IFT88: variants seen among roughly 807,000 people sequenced by gnomAD.
IFT88 encodes the protein intraflagellar transport protein 88 homolog.
A neutral mutation model predicts 119.5 loss-of-function variants in IFT88; 74 were observed. That is an observed-to-expected ratio of 0.62 (90% CI 0.51 to 0.75). The LOEUF is 0.75. Among genes scored for constraint, IFT88 ranks in the 30% least tolerant of loss-of-function variants. The pLI is 0.00. For synonymous variants in IFT88, 279 were observed against 316.7 expected, an observed-to-expected ratio of 0.88 and a Z score of 1.26; for missense variants, 961 against 977.7, an observed-to-expected ratio of 0.98 and a Z score of 0.23.
At chr13:20,686,689 G>A (rs1044297222) in intron 24 of IFT88, among the ~76,000 whole-genome samples, 1 of 151,996 alleles carries the variant, frequency 6.6e-6, no homozygotes, top group African/African-American at 2.4e-5. Flanking sequence ...CAAAAATGAA[G>A]GACATTGCTT....
intron 13 of IFT88, among the ~76,000 whole-genome samples, chr13:20,613,703 A>G (rs2045058596): frequency 1.3e-5 from 2 of 152,174 alleles, no homozygotes; most frequent in Admixed American, 6.5e-5. Flanking sequence ...TGAAGGTATA[A>G]ATAATATATG....
rs570940458 is a variant in IFT88 at position 20,650,466 on chromosome 13, C to T, written c.1950-3410C>T. ...TCCAATCAGGAATAGAAAGAACTTC[C>T]TTAACGTGTTAAAGTATTGTATGGA... On this transcript the variant is annotated intron_variant, in intron 20 of 25. Coordinates refer to ENST00000351808, the MANE Select transcript of IFT88 (RefSeq NM_006531.5). 7.2e-5 allele frequency among the ~76,000 whole-genome samples: 11 copies of T among 152,226 alleles called. No individual in the cohort carries two copies. In the South Asian group the frequency reaches 2.3e-3, roughly 32 times the overall value.
chr13:20,598,438 A>C (rs1317859420), intron 9 of IFT88, among the ~76,000 whole-genome samples: 1 of 152,182 alleles, frequency 6.6e-6, no homozygotes, highest in African/African-American at 2.4e-5. Flanking sequence ...GAATACATAG[A>C]AAATTAAGGT....
At chr13:20,569,676 A>C (rs1001201097) in intron 1 of IFT88, among the ~76,000 whole-genome samples, 1 of 151,952 alleles carries the variant, frequency 6.6e-6, no homozygotes, top group African/African-American at 2.4e-5. Context: ...TCATTTATAT[A>C]ATGTTTAGTA....
chr13:20,595,632 ATAAT>A (rs1437504572), intron 7 of IFT88, among the ~76,000 whole-genome samples: 1 of 152,098 alleles, frequency 6.6e-6, no homozygotes, highest in African/African-American at 2.4e-5. Context: ...ACTATTATGA[ATAAT>A]TACATGATGT....
chr13:20,615,756 TATCTCTA>T (rs753303631), intron 13 of IFT88, 30 bp from the exon 14 acceptor site: 1 of 1,218,090 alleles, frequency 8.2e-7, no homozygotes, highest in East Asian at 2.4e-5. Context: ...TTTTATACTG[TATCTCTA>T]AATACAACTT....
rs76756031 is a variant in IFT88, at chr13:20,625,897, C to G, written c.1299+48C>G. ...GATGGAATTCCATATCTTAATTGGTCAAAGCATTAAAAACAGGTAAACTCC... is the reference window on the plus strand; with the variant it reads ...GATGGAATTCCATATCTTAATTGGTGAAAGCATTAAAAACAGGTAAACTCC... On this transcript the variant is annotated intron_variant, in intron 15 of 25. Coordinates refer to ENST00000351808, the MANE Select transcript of IFT88 (RefSeq NM_006531.5). The G allele has an allele frequency of 0.048, 45,656 of 953,908 alleles. 1,437 individuals are homozygous for G. Among genetic ancestry groups the G allele is most frequent in the Non-Finnish European group, 0.056 (35,403 of 627,306 alleles). 59.1% of individuals were successfully genotyped at this position (953,908 alleles called of 1,614,324 possible).
chr13:20,652,756 CA>C (rs1219218043), intron 20 of IFT88, among the ~76,000 whole-genome samples: 2 of 151,870 alleles, frequency 1.3e-5, no homozygotes, highest in Non-Finnish European at 2.9e-5. Flanking sequence ...ATAATAATAC[CA>C]CATGGTAAAT....
At position 20,615,820 on chromosome 13, in the gene IFT88, G is replaced by T; in HGVS notation, c.1140G>T (p.Met380Ile). Residue 380 changes from methionine to isoleucine, a missense_variant, in exon 14 of 26, where the codon ATG becomes ATT. Physicochemically the swap from Met to Ile is conservative, Grantham distance 10 (BLOSUM62 1). Transcript: ENST00000351808. ...ERKAMAEKYI[M>I]TSAKLIAPVI... is the part of the protein sequence containing the mutation. ...AAGCCATGGCAGAAAAATATATTAT[G>T]ACATCTGCAAAACTCATTGCTCCTG... 6.2e-7 allele frequency: 1 copy of T among 1,604,098 alleles called. No homozygotes were observed. Among genetic ancestry groups the T allele is most frequent in the South Asian group, 1.1e-5 (1 of 88,898 alleles).
chr13:20,673,862 A>G (rs919245626), intron 24 of IFT88, among the ~76,000 whole-genome samples: 9 of 152,284 alleles, frequency 5.9e-5, no homozygotes, highest in Non-Finnish European at 1.3e-4. Context: ...TTTGGCATAC[A>G]AACTCTGTGC....
intron 22 of IFT88, among the ~76,000 whole-genome samples, chr13:20,658,837 T>C (rs887728969): frequency 5.3e-5 from 8 of 152,176 alleles, no homozygotes; most frequent in Non-Finnish European, 8.8e-5. Context: ...CCATAGCACC[T>C]CTGCACCGGA....
chr13:20,663,774 G>A (rs1683990606), intron 23 of IFT88, among the ~76,000 whole-genome samples, 170 bp downstream of exon 23: 1 of 152,144 alleles, frequency 6.6e-6, no homozygotes, highest in African/African-American at 2.4e-5. Flanking sequence ...ATAAAATTCT[G>A]GCAAAAGTGG....
intron 22 of IFT88, among the ~76,000 whole-genome samples, chr13:20,661,297 A>G (rs1489487465): frequency 6.6e-6 from 1 of 152,234 alleles, no homozygotes; most frequent in Non-Finnish European, 1.5e-5. Context: ...AGGCAGGAAC[A>G]GGCACTGCAG....
At chr13:20,624,707 A>G (rs185831317) in intron 14 of IFT88, among the ~76,000 whole-genome samples, 6 of 152,166 alleles carry the variant, frequency 3.9e-5, no homozygotes, top group Non-Finnish European at 7.3e-5. Context: ...AGTTCAGTCC[A>G]TCATACTGTG....
intron 19 of IFT88, among the ~76,000 whole-genome samples, chr13:20,643,860 T>C (rs2050332196): frequency 6.6e-6 from 1 of 152,156 alleles, no homozygotes; most frequent in Admixed American, 6.5e-5. Context: ...TTTAAGCAAT[T>C]CTCTTGCCTC....
chr13:20,599,443 T>A lies in IFT88; in HGVS notation c.698-8T>A, dbSNP rs751767295. 9.6e-6 allele frequency: 10 copies of A among 1,041,628 alleles called. No individual in the cohort carries two copies. The highest frequency in any genetic ancestry group is 5.1e-5 in the East Asian group (2 of 39,250). The allele number at this position is 1,041,628 out of a possible 1,614,324, so 64.5% of individuals were successfully genotyped here. On this transcript the variant is annotated splice_region_variant and splice_polypyrimidine_tract_variant and intron_variant, in intron 10 of 25. Transcript: ENST00000351808. ...GTATTATACATTCATTAAATTTTTT[T>A]AAATTAGGAATATTGAAAATGAATA...
intron 24 of IFT88, among the ~76,000 whole-genome samples, chr13:20,678,651 A>G (rs2056975926): frequency 6.6e-6 from 1 of 152,274 alleles, no homozygotes; most frequent in Middle Eastern, 3.4e-3. Context: ...TGAACCAACA[A>G]CTTCTAGCAG....
intron 18 of IFT88, 25 bp downstream of exon 18, chr13:20,641,423 A>T (rs776186760): frequency 7.2e-7 from 1 of 1,389,866 alleles, no homozygotes; most frequent in African/African-American, 1.4e-5. Context: ...AACCTTAGGG[A>T]CAGTTATTAA....
chr13:20,672,564 C>T (rs2056069358), intron 24 of IFT88, among the ~76,000 whole-genome samples: 1 of 152,176 alleles, frequency 6.6e-6, no homozygotes, highest in Admixed American at 6.5e-5. Flanking sequence ...TCAGAGAGAT[C>T]TGGCCCAGCA....
Sources: gnomAD v4.1 joint callset for allele counts (sites outside exome capture counted in the v4.1 genomes callset) on GRCh38, gnomAD v4.1.1 for gene constraint, MANE v1.5 for transcripts, NCBI Gene and HGNC (gene_info 2026-07-23, HGNC 2026-07-21) for gene names.